The following FMNL3 variants were observed in gnomAD, a reference collection of about 807,000 sequenced individuals.
FMNL3 encodes formin-like protein 3.
Under a neutral mutation model 119.6 loss-of-function variants are expected in FMNL3, and 57 were observed. The ratio of observed to expected loss-of-function variants is 0.48; its 90% CI spans 0.39 to 0.59. The LOEUF (loss-of-function observed/expected upper bound fraction) is 0.59. Ranked by LOEUF, FMNL3 falls within the 20% of genes least tolerant of loss-of-function variation. FMNL3 has a pLI of 0.00. For missense variants in FMNL3, 1,053 were observed against 1,323.5 expected (o/e 0.80, Z 3.17); for synonymous variants, 491 against 507.3 (o/e 0.97, Z 0.43).
In FMNL3 at chr12:49,642,428, C is replaced by T. The variant is rs2138650475; in HGVS notation, c.*3387G>A. The T allele has an allele frequency of 6.3e-7, 1 of 1,598,070 alleles. No individual in the cohort carries two copies. The highest frequency in any genetic ancestry group is 8.6e-7 in the Non-Finnish European group (1 of 1,167,524). On this transcript the variant is annotated 3_prime_UTR_variant, in exon 26 of 26. Coordinates refer to ENST00000335154, the MANE Select transcript of FMNL3 (RefSeq NM_175736.5). This position sits in a 1 kb window ranked among gnomAD's most constrained non-coding sequence, Gnocchi z 5.8. ...CTCAAGCCTGAGGGCAGCGGTGCTT[C>T]ACCACTGAGGGCCCACCCCAGTCAC...
Position 49,647,498 on chromosome 12 carries a change from C to T in FMNL3, c.2779-130G>A. The T allele has an allele frequency of 9.4e-7, 1 of 1,060,224 alleles. No homozygotes were observed. The highest frequency in any genetic ancestry group is 1.4e-6 in the Non-Finnish European group (1 of 704,776). The allele number at this position is 1,060,224 out of a possible 1,614,324, so 65.7% of individuals were successfully genotyped here. Reference sequence around the variant, plus strand: ...CAGGTGGCCACCCTCTGGAGGGGCACTTCCTGCCCCAAACAATGACAGGAA... The same window carrying T: ...CAGGTGGCCACCCTCTGGAGGGGCATTTCCTGCCCCAAACAATGACAGGAA... On this transcript the variant is annotated intron_variant, in intron 23 of 25. Coordinates refer to ENST00000335154, the MANE Select transcript of FMNL3 (RefSeq NM_175736.5). The surrounding 1 kb of genome is among the most constrained non-coding windows in gnomAD (Gnocchi z 4.9).
chr12:49,643,943 G>C lies in FMNL3; in HGVS notation c.*1872C>G. On this transcript the variant is annotated 3_prime_UTR_variant, in exon 26 of 26. Coordinates refer to ENST00000335154, the MANE Select transcript of FMNL3 (RefSeq NM_175736.5). ...AAAGAACAAGAACAGGACAAGGACAGGGAGCTCCAACAGGCAGAGCTCCCT... is the reference window on the plus strand; with the variant it reads ...AAAGAACAAGAACAGGACAAGGACACGGAGCTCCAACAGGCAGAGCTCCCT... 6.2e-7 allele frequency: 1 copy of C among 1,614,214 alleles called. No homozygotes were observed. The highest frequency in any genetic ancestry group is 8.5e-7 in the Non-Finnish European group (1 of 1,180,030).
chr12:49,704,960 G>A (rs991050406), intron 1 of FMNL3, among the ~76,000 whole-genome samples: 2 of 152,122 alleles, frequency 1.3e-5, no homozygotes. Flanking sequence ...CCCTAAGCCT[G>A]TACCTGGGTC....
Position 49,642,131 on chromosome 12 carries a change from G to T in FMNL3, c.*3684C>A, listed in dbSNP as rs563769638. On this transcript the variant is annotated 3_prime_UTR_variant, in exon 26 of 26. Transcript: ENST00000335154. This position sits in a 1 kb window ranked among gnomAD's most constrained non-coding sequence, Gnocchi z 5.8. The stretch of plus-strand genomic sequence containing the variant: ...CTATATTCCCAATTCAGGGGATGGT[G>T]GTAGAAGCCCAGACCCTAACTTTCC... 93 of 1,603,950 alleles carry T rather than the reference G, an allele frequency of 5.8e-5. No individual in the cohort carries two copies. In the African/African-American group the frequency reaches 1.2e-3, roughly 21 times the overall value.
chr12:49,648,945 C>G, intron 21 of FMNL3, 84 bp downstream of exon 21: 1 of 1,506,306 alleles, frequency 6.6e-7, no homozygotes, highest in African/African-American at 1.4e-5. Flanking sequence ...ACAAATGGAC[C>G]CAAGTGTTCT....
rs1592604003 is a variant in FMNL3 at position 49,638,136 on chromosome 12, T to C, written c.*7679A>G. 1 of 320,162 alleles carries C rather than the reference T, an allele frequency of 3.1e-6. No individual in the cohort carries two copies. The highest frequency in any genetic ancestry group is 5.9e-6 in the Non-Finnish European group (1 of 170,418). 19.8% of individuals were successfully genotyped at this position (320,162 alleles called of 1,614,324 possible). On this transcript the variant is annotated 3_prime_UTR_variant, in exon 26 of 26. Coordinates refer to ENST00000335154, the MANE Select transcript of FMNL3 (RefSeq NM_175736.5). The stretch of plus-strand genomic sequence containing the variant: ...AATTTGTAGGTGGAAGAGGTTGGAG[T>C]GTACACGGGGTACTAAGAGCAAAGG...
chr12:49,653,358 G>T, intron 12 of FMNL3, 31 bp from the exon 13 acceptor site: 1 of 1,607,984 alleles, frequency 6.2e-7, no homozygotes, highest in Non-Finnish European at 8.5e-7. Context: ...GTTCTGTGCT[G>T]GCCCTAAAGC....
chr12:49,647,335 G>A lies in FMNL3; in HGVS notation c.2812C>T (p.Gln938Ter). 1 of 1,613,632 alleles carries A rather than the reference G, an allele frequency of 6.2e-7. No homozygotes were observed. The highest frequency in any genetic ancestry group is 8.5e-7 in the Non-Finnish European group (1 of 1,180,004). The change falls in exon 24 of 26, where the codon CAG becomes TAG. Residue 938 changes from glutamine (Q) to a stop codon, truncating the protein, a stop_gained. Transcript: ENST00000335154. LOFTEE classifies it high-confidence loss of function. This position sits in a 1 kb window ranked among gnomAD's most constrained non-coding sequence, Gnocchi z 4.9. ...AEQENEARKK[Q>*]EEVMREKQLA... ...TGCTTCTCCCGCATTACCTCCTCCT[G>A]CTTCTTGCGGGCTTCATTCTCTTGT...
intron 1 of FMNL3, among the ~76,000 whole-genome samples, chr12:49,687,373 T>C (rs1467390856): frequency 1.3e-5 from 2 of 152,050 alleles, no homozygotes; most frequent in Non-Finnish European, 2.9e-5. Context: ...ATTACAGGCA[T>C]GAGCCACCGC....
In FMNL3 at chr12:49,657,247, G is replaced by A. The variant is rs529518551; in HGVS notation, c.606-57C>T. ...GCTGAGGCTGCCAGTGAAGCATCTA[G>A]GGACACTCACCATCACCCGGACAGC... On this transcript the variant is annotated intron_variant, in intron 6 of 25. Coordinates refer to ENST00000335154, the MANE Select transcript of FMNL3 (RefSeq NM_175736.5). 2.7e-5 allele frequency: 37 copies of A among 1,350,624 alleles called. No individual in the cohort carries two copies. In the African/African-American group the frequency reaches 4.7e-4, roughly 17 times the overall value. The allele number at this position is 1,350,624 out of a possible 1,614,324, so 83.7% of individuals were successfully genotyped here. A position where few individuals can be genotyped will look rare whatever the true frequency, so the allele number is the denominator to read the frequency against.
intron 1 of FMNL3, among the ~76,000 whole-genome samples, chr12:49,699,594 C>T (rs950636938): frequency 5.3e-5 from 8 of 152,212 alleles, no homozygotes; most frequent in African/African-American, 1.9e-4. Context: ...ATTCCAAGAA[C>T]TCCACAGTGG....
chr12:49,648,238 A>G lies in FMNL3; in HGVS notation c.2631T>C (p.Asn877=). The G allele has an allele frequency of 6.2e-7, 1 of 1,613,918 alleles. No homozygotes were observed. Among genetic ancestry groups the G allele is most frequent in the Non-Finnish European group, 8.5e-7 (1 of 1,179,950 alleles). Residue 877 remains asparagine (N), a synonymous_variant, in exon 22 of 26, where the codon AAT becomes AAC. Coordinates refer to ENST00000335154, the MANE Select transcript of FMNL3 (RefSeq NM_175736.5). ...GCTGGAGCTTGTCTAGTTTGCCTTC[A>G]TTGGTACTGAGGAAGTTCCGGAGGA... ...NSVLRNFLST[N]EGKLDKLQRD...
At chr12:49,676,224 T>C (rs1944181279) in intron 1 of FMNL3, among the ~76,000 whole-genome samples, 2 of 152,196 alleles carry the variant, frequency 1.3e-5, no homozygotes, top group Non-Finnish European at 2.9e-5. Context: ...AGCCTAGAAT[T>C]AATATGTTTG....
At chr12:49,699,833 T>C (rs1326928510) in intron 1 of FMNL3, among the ~76,000 whole-genome samples, 1 of 152,242 alleles carries the variant, frequency 6.6e-6, no homozygotes, top group South Asian at 2.1e-4. Flanking sequence ...ATACCATGTC[T>C]AATTAATCAA....
intron 1 of FMNL3, among the ~76,000 whole-genome samples, chr12:49,702,830 C>G (rs1021597920): frequency 1.3e-5 from 2 of 152,206 alleles, no homozygotes; most frequent in African/African-American, 4.8e-5. Flanking sequence ...TAATTCACCA[C>G]AATCCTGAGG....
intron 1 of FMNL3, among the ~76,000 whole-genome samples, chr12:49,675,972 C>T (rs751242671): frequency 2.0e-5 from 3 of 152,110 alleles, no homozygotes; most frequent in Non-Finnish European, 4.4e-5. Flanking sequence ...CATTCCTTAA[C>T]CCTAGGATTT....
chr12:49,654,453 G>C lies in FMNL3; in HGVS notation c.961-151C>G, dbSNP rs187339894. On this transcript the variant is annotated intron_variant, in intron 10 of 25. Coordinates refer to ENST00000335154, the MANE Select transcript of FMNL3 (RefSeq NM_175736.5). ...TTAAGTCTTTATGGGGGCAATAAGAGTATTTTAATTTTAAAAATGTCATTT... is the reference window on the plus strand; with the variant it reads ...TTAAGTCTTTATGGGGGCAATAAGACTATTTTAATTTTAAAAATGTCATTT... 5.2e-4 allele frequency: 311 copies of C among 599,078 alleles called. 1 individual carries two copies. The highest frequency in any genetic ancestry group is 5.6e-4 in the Non-Finnish European group (189 of 339,128). 37.1% of individuals were successfully genotyped at this position (599,078 alleles called of 1,614,324 possible). A position where few individuals can be genotyped will look rare whatever the true frequency, so the allele number is the denominator to read the frequency against.
In FMNL3 at chr12:49,652,148, T is replaced by G. The variant is rs761910903; in HGVS notation, c.1388A>C (p.Glu463Ala). Residue 463 changes from glutamate to alanine, a missense_variant, in exon 14 of 26, where the codon GAG (glutamate) becomes GCG (alanine). By Grantham distance (107) the Glu-to-Ala change is moderately radical. Coordinates refer to ENST00000335154, the MANE Select transcript of FMNL3 (RefSeq NM_175736.5). ...TLRRLIKEKEEAFQRRCHLEP... is the reference protein window; with the variant it reads ...TLRRLIKEKEAAFQRRCHLEP... ...CAAATGACATCGACGCTGAAAGGCC[T>G]CCTCCTTCTCTTTAATGAGCCTCCG... The G allele has an allele frequency of 1.5e-5, 24 of 1,613,192 alleles. No homozygotes were observed. Among genetic ancestry groups the G allele is most frequent in the Admixed American group, 1.2e-4 (7 of 59,910 alleles).
chr12:49,646,540 G>T, intron 25 of FMNL3: 7 of 934,134 alleles, frequency 7.5e-6, no homozygotes, highest in Non-Finnish European at 1.1e-5. Context: ...GGCTGCCAGA[G>T]GGTGATTGCA....
Sources: allele counts gnomAD v4.1 joint callset (sites outside exome capture counted in the v4.1 genomes callset), GRCh38; gene constraint gnomAD v4.1.1; non-coding constraint Gnocchi (gnomAD v3.1); transcripts MANE v1.5; gene names NCBI Gene and HGNC (gene_info 2026-07-23, HGNC 2026-07-21).